SLC22A9: variants seen among roughly 807,000 people sequenced by gnomAD.
The protein encoded by SLC22A9 is solute carrier family 22 member 9.
Under a neutral mutation model 50.1 loss-of-function variants are expected in SLC22A9, and 64 were observed. The ratio of observed to expected loss-of-function variants is 1.28; its 90% CI spans 1.04 to 1.57. SLC22A9 has a LOEUF of 1.57. Among genes scored for constraint, SLC22A9 ranks in the 40% most tolerant of loss-of-function variants. The probability of loss-of-function intolerance (pLI) is 0.00; values close to 1 mark genes in which losing one functional copy is unlikely to be tolerated. For synonymous variants in SLC22A9, 261 were observed against 242.5 expected, an observed-to-expected ratio of 1.08 and a Z score of -0.71; for missense variants, 757 against 676.1, an observed-to-expected ratio of 1.12 and a Z score of -1.33.
chr11:63,399,488 A>G (rs952890628), intron 6 of SLC22A9, among the ~76,000 whole-genome samples: 1 of 152,228 alleles, frequency 6.6e-6, no homozygotes, highest in Admixed American at 6.5e-5. Flanking sequence ...GGGTCAAATC[A>G]GTAAGAAGAT....
chr11:63,373,742 T>C lies in SLC22A9; in HGVS notation c.605T>C (p.Leu202Pro). Residue 202 changes from leucine to proline, a missense_variant, in exon 3 of 10, where the codon CTA (leucine) becomes CCA (proline). Physicochemically the swap from Leu to Pro is moderately conservative, Grantham distance 98. Transcript: ENST00000279178. ...CCCACCTTCCTCATTTACTGCTCAC[T>C]ACGCTTCTTGTCTGGGATTGCTGCA... Reference protein sequence around the residue: ...LAPTFLIYCSLRFLSGIAAMS... With the variant: ...LAPTFLIYCSPRFLSGIAAMS... 1 of 1,613,458 alleles carries C rather than the reference T, an allele frequency of 6.2e-7. No homozygotes were observed. Among genetic ancestry groups the C allele is most frequent in the Non-Finnish European group, 8.5e-7 (1 of 1,179,604 alleles).
Position 63,408,123 on chromosome 11 carries a change from C to T in SLC22A9, c.1300C>T (p.Leu434=), listed in dbSNP as rs776431153. The stretch of plus-strand genomic sequence containing the variant: ...CTTCCTTTCTCCAGAAATGCAGACG[C>T]TGCGTGAGGTTTTGGCAACACTGGG... The part of the protein sequence containing the change: ...IIFVPQEMQT[L]REVLATLGLG... The change falls in exon 8 of 10, where the codon CTG becomes TTG. Residue 434 remains leucine (L), a synonymous_variant. Coordinates refer to ENST00000279178, the MANE Select transcript of SLC22A9 (RefSeq NM_080866.3). The T allele has an allele frequency of 1.2e-6, 2 of 1,613,436 alleles. No individual in the cohort carries two copies. The highest frequency in any genetic ancestry group is 2.2e-5 in the South Asian group (2 of 91,054).
In SLC22A9 at chr11:63,406,552, A is replaced by G; in HGVS notation, c.1129A>G (p.Asn377Asp). The G allele has an allele frequency of 1.2e-6, 2 of 1,613,680 alleles. No homozygotes were observed. The highest frequency in any genetic ancestry group is 2.7e-5 in the African/African-American group (2 of 74,988). ...GLNLHVQHLG[N>D]NVFLLQTLFG... ...TAATCTCCATGTCCAGCATCTGGGG[A>G]ACAATGTTTTCCTGTTGCAGACTCT... The change falls in exon 7 of 10, where the codon AAC becomes GAC. Residue 377 changes from asparagine to aspartate, a missense_variant. By Grantham distance (23) the Asn-to-Asp change is conservative. Transcript: ENST00000279178.
In SLC22A9 at chr11:63,371,156, C is replaced by G. The variant is rs1204418329; in HGVS notation, c.424C>G (p.Gln142Glu). The change falls in exon 2 of 10, where the codon CAA becomes GAA. Residue 142 changes from glutamine (Q) to glutamate (E), a missense_variant. Transcript: ENST00000279178. ...VTEWDLVCDS[Q>E]SLTSVAKFVF... ...CCAGTGGGATCTGGTATGTGACTCTCAATCACTGACTTCAGTGGCTAAATT... is the reference window on the plus strand; with the variant it reads ...CCAGTGGGATCTGGTATGTGACTCTGAATCACTGACTTCAGTGGCTAAATT... 6.2e-7 allele frequency: 1 copy of G among 1,613,188 alleles called. No homozygotes were observed. Among genetic ancestry groups the G allele is most frequent in the South Asian group, 1.1e-5 (1 of 91,042 alleles).
At chr11:63,381,790 C>A (rs948163681) in intron 5 of SLC22A9, among the ~76,000 whole-genome samples, 1 of 152,134 alleles carries the variant, frequency 6.6e-6, no homozygotes, top group Non-Finnish European at 1.5e-5. Context: ...TGTCCACGTC[C>A]TTTGGGGACC....
rs916235387 is a variant in SLC22A9 at position 63,410,277 on chromosome 11, GAAA to G, written c.*416_*418del. Reference sequence around the variant, plus strand: ...AAAAAAAAAGAAAGAAGGAAAGAAAGAAAGAAAAGAAAAGAAATAACAAGATAT... The same window carrying G: ...AAAAAAAAAGAAAGAAGGAAAGAAAGGAAAAGAAAAGAAATAACAAGATAT... On this transcript the variant is annotated 3_prime_UTR_variant, in exon 10 of 10. Transcript: ENST00000279178. 1 of 123,778 alleles carries G rather than the reference GAAA, an allele frequency of 8.1e-6. No individual in the cohort carries two copies. Among genetic ancestry groups the G allele is most frequent in the African/African-American group, 3.4e-5 (1 of 29,618 alleles). The allele number at this position is 123,778 out of a possible 1,614,324, so 7.7% of individuals were successfully genotyped here.
intron 6 of SLC22A9, among the ~76,000 whole-genome samples, chr11:63,390,627 A>G (rs1215493578): frequency 6.6e-6 from 1 of 152,096 alleles, no homozygotes; most frequent in Non-Finnish European, 1.5e-5. Flanking sequence ...AGGTAGCATG[A>G]TGTCTCCAGC....
intron 7 of SLC22A9, 128 bp from the exon 8 acceptor site, chr11:63,407,984 A>G: frequency 4.6e-6 from 3 of 649,566 alleles, no homozygotes; most frequent in Non-Finnish European, 7.9e-6. Flanking sequence ...CTTTGCCTCT[A>G]TGCAGTTTCC....
At chr11:63,382,051 A>G in intron 5 of SLC22A9, 108 bp from the exon 6 acceptor site, 2 of 696,908 alleles carry the variant, frequency 2.9e-6, no homozygotes, top group East Asian at 2.6e-5. Flanking sequence ...TTTCCACCAG[A>G]CAGAAAGTGC....
At chr11:63,371,352 C>A in intron 2 of SLC22A9, 114 bp downstream of exon 2, 1 of 828,330 alleles carries the variant, frequency 1.2e-6, no homozygotes, top group Non-Finnish European at 1.8e-6. Flanking sequence ...CTGCCCTGAT[C>A]CCCAAACAGA....
chr11:63,385,512 C>T (rs1179330408), intron 6 of SLC22A9, among the ~76,000 whole-genome samples: 2 of 151,986 alleles, frequency 1.3e-5, no homozygotes, highest in African/African-American at 4.8e-5. Flanking sequence ...CCTTCATTTT[C>T]CTTGTTAGCT....
rs145071636 is a variant in SLC22A9 at position 63,400,586 on chromosome 11, A to T, written c.1074-5911A>T. 1.4e-4 allele frequency among the ~76,000 whole-genome samples: 21 copies of T among 152,256 alleles called. No homozygotes were observed. The East Asian group carries it at 3.7e-3, about 27-fold the overall frequency. Reference sequence around the variant, plus strand: ...TCAGAACAACTGAATTCTACCAAACATTTAAAGAACTCATACCTATTGTAC... The same window carrying T: ...TCAGAACAACTGAATTCTACCAAACTTTTAAAGAACTCATACCTATTGTAC... On this transcript the variant is annotated intron_variant, in intron 6 of 9. Transcript: ENST00000279178.
At chr11:63,391,893 CTTCCTTCCTGTA>C (rs2014770274) in intron 6 of SLC22A9, among the ~76,000 whole-genome samples, 2 of 151,858 alleles carry the variant, frequency 1.3e-5, no homozygotes, top group East Asian at 3.8e-4. Context: ...TCCTTCTCTC[CTTCCTTCCTGTA>C]TTCCTTTAGG....
Position 63,373,768 on chromosome 11 carries a change from A to G in SLC22A9, c.631A>G (p.Met211Val). 1.9e-6 allele frequency: 3 copies of G among 1,612,474 alleles called. No individual in the cohort carries two copies. Among genetic ancestry groups the G allele is most frequent in the South Asian group, 2.2e-5 (2 of 90,790 alleles). Residue 211 changes from methionine to valine, a missense_variant, in exon 3 of 10, where the codon ATG becomes GTG. Transcript: ENST00000279178. ...SLRFLSGIAA[M>V]SLITNTIMLI... ...ACGCTTCTTGTCTGGGATTGCTGCA[A>G]TGAGCCTCATAACAAATACTATTAT... is the stretch of plus-strand genomic sequence containing the variant.
At position 63,370,345 on chromosome 11, in the gene SLC22A9, C is replaced by T. The variant is rs1335619021; in HGVS notation, c.289C>T (p.Gln97Ter). 2 of 1,613,994 alleles carry T rather than the reference C, an allele frequency of 1.2e-6. No individual in the cohort carries two copies. The highest frequency in any genetic ancestry group is 2.2e-5 in the East Asian group (1 of 44,876). The part of the protein sequence containing the change: ...KCRRFVHPQW[Q>*]LLHLNGTFPN... Reference sequence around the variant, plus strand: ...TCGTCGCTTTGTTCATCCTCAGTGGCAGCTCCTTCACCTGAATGGGACCTT... The same window carrying T: ...TCGTCGCTTTGTTCATCCTCAGTGGTAGCTCCTTCACCTGAATGGGACCTT... The change falls in exon 1 of 10, where the codon CAG (glutamine) becomes TAG (stop). Residue 97 changes from glutamine to a stop codon, truncating the protein, a stop_gained. Transcript: ENST00000279178. LOFTEE classifies it high-confidence loss of function.
chr11:63,375,797 T>G (rs375833909), intron 5 of SLC22A9, 29 bp downstream of exon 5: 223 of 1,606,342 alleles, frequency 1.4e-4, no homozygotes, highest in Non-Finnish European at 1.8e-4. Flanking sequence ...AGATATGGGA[T>G]GTAGGGAAGA....
intron 2 of SLC22A9, among the ~76,000 whole-genome samples, 198 bp from the exon 3 acceptor site, chr11:63,373,445 GC>G (rs1315778255): frequency 6.6e-6 from 1 of 152,114 alleles, no homozygotes; most frequent in Non-Finnish European, 1.5e-5. Flanking sequence ...TGGAAAATAA[GC>G]TTTGATCTAC....
chr11:63,370,150 T>C lies in SLC22A9; in HGVS notation c.94T>C (p.Tyr32His). 6.2e-7 allele frequency: 1 copy of C among 1,614,084 alleles called. No individual in the cohort carries two copies. Among genetic ancestry groups the C allele is most frequent in the Non-Finnish European group, 8.5e-7 (1 of 1,179,944 alleles). ...VFLSIFAVAT[Y>H]LHFMLENFTA... The stretch of plus-strand genomic sequence containing the variant: ...TCTCTCAATCTTTGCTGTTGCTACA[T>C]ACCTTCATTTTATGCTGGAGAACTT... Residue 32 changes from tyrosine (Y) to histidine (H), a missense_variant, in exon 1 of 10, where the codon TAC (tyrosine) becomes CAC (histidine). Tyr to His is a moderately conservative substitution (Grantham distance 83, BLOSUM62 2). Transcript: ENST00000279178.
chr11:63,407,691 A>G (rs1457638234), intron 7 of SLC22A9, among the ~76,000 whole-genome samples: 2 of 152,156 alleles, frequency 1.3e-5, no homozygotes. Context: ...CCATGTCAAT[A>G]CTGTGTATGT....
Sources: gnomAD v4.1 joint callset for allele counts (sites outside exome capture counted in the v4.1 genomes callset) on GRCh38, gnomAD v4.1.1 for gene constraint, MANE v1.5 for transcripts, NCBI Gene and HGNC (gene_info 2026-07-23, HGNC 2026-07-21) for gene names.